Variants in COL24A1 observed in about 807,000 individuals in gnomAD.
COL24A1 encodes the protein collagen type XXIV alpha 1 chain.
Under a neutral mutation model 253.9 loss-of-function variants are expected in COL24A1, and 224 were observed. That is an observed-to-expected ratio of 0.88 (90% CI 0.79 to 0.99). COL24A1 has a LOEUF of 0.99. Among genes scored for constraint, COL24A1 ranks in the 50% least tolerant of loss-of-function variants. COL24A1 has a pLI of 0.00. For synonymous variants in COL24A1, 685 were observed against 673.7 expected, an observed-to-expected ratio of 1.02 and a Z score of -0.26; for missense variants, 2,131 against 2,068.5, an observed-to-expected ratio of 1.03 and a Z score of -0.59.
rs141346684 is a variant in COL24A1, at chr1:85,916,574, T to C, written c.2563-5141A>G. ...GGCAACATGTTCCTGTAGTCCCAGC[T>C]ACTCATGAAGCTGAGGTGTGAGGAT... On this transcript the variant is annotated intron_variant, in intron 24 of 59. Transcript: ENST00000370571. Among the ~76,000 whole-genome samples, 9 of 152,304 alleles carry C rather than the reference T, an allele frequency of 5.9e-5. No individual in the cohort carries two copies. The East Asian group carries it at 1.5e-3, about 26-fold the overall frequency.
rs146846393 is a variant in COL24A1, at chr1:85,923,116, C to T, written c.2563-11683G>A. Among the ~76,000 whole-genome samples, 821 of 152,258 alleles carry T rather than the reference C, an allele frequency of 5.4e-3. 7 individuals carry two copies. The highest frequency in any genetic ancestry group is 0.019 in the African/African-American group (789 of 41,526). On this transcript the variant is annotated intron_variant, in intron 24 of 59. Transcript: ENST00000370571. ...AAAGGGATCAATTCCACAAGAAGAG[C>T]TAACTATCCTAAATATATATGCAAC...
intron 24 of COL24A1, among the ~76,000 whole-genome samples, chr1:85,929,885 C>T (rs545827429): frequency 3.0e-4 from 41 of 136,448 alleles, no homozygotes; most frequent in African/African-American, 9.7e-4. Context: ...TTGAAACCAA[C>T]GAGAACAAAG....
chr1:85,770,618 T>A (rs546858497), intron 53 of COL24A1, among the ~76,000 whole-genome samples: 58 of 152,304 alleles, frequency 3.8e-4, no homozygotes, highest in African/African-American at 1.3e-3. Flanking sequence ...ATAACCTTTT[T>A]ACTATCTATA....
intron 24 of COL24A1, among the ~76,000 whole-genome samples, chr1:85,940,527 A>C (rs1357798670): frequency 6.7e-6 from 1 of 148,712 alleles, no homozygotes; most frequent in Non-Finnish European, 1.5e-5. Flanking sequence ...ATAATGTAAA[A>C]TGTTTTATAT....
At chr1:86,074,789 T>G (rs1420281995) in intron 7 of COL24A1, among the ~76,000 whole-genome samples, 2 of 151,992 alleles carry the variant, frequency 1.3e-5, no homozygotes, top group African/African-American at 4.8e-5. Context: ...AACAACCTGC[T>G]CCTGAATGAC....
chr1:85,846,027 C>T (rs1239839400), intron 39 of COL24A1, among the ~76,000 whole-genome samples: 3 of 151,554 alleles, frequency 2.0e-5, no homozygotes, highest in Non-Finnish European at 4.4e-5. Flanking sequence ...GTGGTATTGA[C>T]CCAGAAATAG....
intron 5 of COL24A1, among the ~76,000 whole-genome samples, chr1:86,112,115 A>G (rs1308066834): frequency 1.3e-5 from 2 of 152,240 alleles, no homozygotes; most frequent in Non-Finnish European, 2.9e-5. Context: ...AGTTGTTTTC[A>G]TAAACATTTG....
At chr1:86,030,756 T>C (rs1171053516) in intron 14 of COL24A1, among the ~76,000 whole-genome samples, 8 of 151,814 alleles carry the variant, frequency 5.3e-5, no homozygotes, top group Non-Finnish European at 1.2e-4. Context: ...CTTTCTTTTT[T>C]TTTTTTTTTG....
intron 53 of COL24A1, among the ~76,000 whole-genome samples, chr1:85,774,850 GT>G (rs1400352420): frequency 4.6e-5 from 7 of 152,084 alleles, no homozygotes; most frequent in African/African-American, 1.7e-4. Context: ...TTCTTGAAGG[GT>G]TTTTTGGTGT....
At chr1:85,886,122 G>A (rs1426762736) in intron 32 of COL24A1, among the ~76,000 whole-genome samples, 1 of 151,218 alleles carries the variant, frequency 6.6e-6, no homozygotes, top group African/African-American at 2.4e-5. Context: ...GAGTGCAGTT[G>A]TGCGATCTTG....
intron 18 of COL24A1, among the ~76,000 whole-genome samples, chr1:86,021,828 G>T (rs1054180033): frequency 3.9e-5 from 6 of 152,118 alleles, no homozygotes; most frequent in South Asian, 2.1e-4. Context: ...TAAGGATTTA[G>T]AATATTTTGG....
chr1:85,778,169 T>A (rs1440033957), intron 52 of COL24A1, among the ~76,000 whole-genome samples: 1 of 152,090 alleles, frequency 6.6e-6, no homozygotes, highest in Non-Finnish European at 1.5e-5. Context: ...AGTGGCATGA[T>A]CATGGCTCCC....
intron 53 of COL24A1, among the ~76,000 whole-genome samples, chr1:85,769,693 A>G (rs1355955729): frequency 6.6e-6 from 1 of 152,184 alleles, no homozygotes; most frequent in Non-Finnish European, 1.5e-5. Flanking sequence ...GAGGCTAACC[A>G]TCCCAGATAT....
Position 85,842,178 on chromosome 1 carries a change from T to A in COL24A1, c.3517-57A>T, listed in dbSNP as rs959157205. 15 of 1,547,618 alleles carry A rather than the reference T, an allele frequency of 9.7e-6. No individual in the cohort carries two copies. The South Asian group carries it at 1.5e-4, about 15-fold the overall frequency. ...CTCTACCTAGATATTAGATATTGCA[T>A]TATTCTGAAAGGAAAAATAGGATTC... On this transcript the variant is annotated intron_variant, in intron 40 of 59. Transcript: ENST00000370571.
At chr1:85,793,785 G>C (rs2101695285) in intron 47 of COL24A1, among the ~76,000 whole-genome samples, 1 of 152,102 alleles carries the variant, frequency 6.6e-6, no homozygotes, top group East Asian at 1.9e-4. Flanking sequence ...CTGAGACTTT[G>C]GGATTTAAAT....
At chr1:85,806,491 T>G (rs1023073897) in intron 47 of COL24A1, among the ~76,000 whole-genome samples, 13 of 152,242 alleles carry the variant, frequency 8.5e-5, no homozygotes, top group Non-Finnish European at 1.5e-4. Context: ...GCTGTTGTAG[T>G]GCAAAAGCAG....
At chr1:85,834,756 C>G (rs917592231) in intron 43 of COL24A1, among the ~76,000 whole-genome samples, 5 of 151,948 alleles carry the variant, frequency 3.3e-5, no homozygotes, top group Non-Finnish European at 7.4e-5. Flanking sequence ...CCATTTATAC[C>G]TTTAAAAAGT....
rs1269560920 is a variant in COL24A1 at position 86,112,588 on chromosome 1, T to C, written c.1578A>G (p.Leu526=). ...TTACCTTTGGACCAGGTAATCCAGG[T>C]AAACCAGGATTTCCATGTGGCCCTG... is the stretch of plus-strand genomic sequence containing the variant. ...GIPGPHGNPG[L]PGLPGPKGPK... The change falls in exon 5 of 60, where the codon TTA becomes TTG. Residue 526 remains leucine (L), a synonymous_variant. Coordinates refer to ENST00000370571, the MANE Select transcript of COL24A1 (RefSeq NM_152890.7). 7 of 1,613,264 alleles carry C rather than the reference T, an allele frequency of 4.3e-6. No homozygotes were observed. The highest frequency in any genetic ancestry group is 3.3e-5 in the Admixed American group (2 of 59,958).
In COL24A1 at chr1:86,125,016, A is replaced by T; in HGVS notation, c.1320T>A (p.Ser440=). The T allele has an allele frequency of 6.2e-7, 1 of 1,613,266 alleles. No individual in the cohort carries two copies. Among genetic ancestry groups the T allele is most frequent in the Non-Finnish European group, 8.5e-7 (1 of 1,179,666 alleles). ...TCCTTAGATCAAGGTGATTATCCAC[A>T]GATGGCTCATTTGTCACTCTATGCA... is the stretch of plus-strand genomic sequence containing the variant. The part of the protein sequence containing the change: ...TSLHRVTNEP[S]VDNHLDLRKE... Residue 440 remains serine (S), a synonymous_variant, in exon 3 of 60, where the codon TCT becomes TCA. Coordinates refer to ENST00000370571, the MANE Select transcript of COL24A1 (RefSeq NM_152890.7).
Sources: allele counts gnomAD v4.1 joint callset (sites outside exome capture counted in the v4.1 genomes callset), GRCh38; gene constraint gnomAD v4.1.1; transcripts MANE v1.5; gene names NCBI Gene and HGNC (gene_info 2026-07-23, HGNC 2026-07-21).